The following ATG2B variants were observed in gnomAD, a reference collection of about 807,000 sequenced individuals.
ATG2B encodes the protein autophagy related 2B.
A neutral mutation model predicts 241.3 loss-of-function variants in ATG2B; 121 were observed. The observed-to-expected ratio is 0.50, with a 90% CI of 0.43 to 0.58. The LOEUF is 0.58. ATG2B is among the 20% of genes least tolerant of loss of function. ATG2B has a pLI of 0.00. For synonymous variants in ATG2B, 858 were observed against 876.6 expected, an observed-to-expected ratio of 0.98 and a Z score of 0.37; for missense variants, 2,306 against 2,491.6, an observed-to-expected ratio of 0.93 and a Z score of 1.59.
rs773307275 is a variant in ATG2B, at chr14:96,331,494, G to C, written c.1612C>G (p.Pro538Ala). Residue 538 changes from proline to alanine, a missense_variant, in exon 11 of 42, where the codon CCT becomes GCT. Pro to Ala is a conservative substitution (Grantham distance 27). Coordinates refer to ENST00000359933, the MANE Select transcript of ATG2B (RefSeq NM_018036.7). ...CAAGTAAAGAAAGCTACTGCCATAG[G>C]TGTCAATGGATTAAGGTTCTGTGAC... ...ETSQNLNPLT[P>A]MAVAFFTCIE... is the part of the protein sequence containing the mutation. 1 of 1,614,040 alleles carries C rather than the reference G, an allele frequency of 6.2e-7. No individual in the cohort carries two copies. Among genetic ancestry groups the C allele is most frequent in the Non-Finnish European group, 8.5e-7 (1 of 1,179,972 alleles).
Position 96,362,973 on chromosome 14 carries a change from G to A in ATG2B, c.4C>T (p.Pro2Ser). Residue 2 changes from proline to serine, a missense_variant, in exon 1 of 42, where the codon CCT becomes TCT. Around this residue, in one of 2 missense-constraint regions of ATG2B, gnomAD observed 1,927 missense variants for 2,011.2 expected, o/e 0.96. Coordinates refer to ENST00000359933, the MANE Select transcript of ATG2B (RefSeq NM_018036.7). ...TTGATGGACTCCGAAAACGGCCAAG[G>A]CATAGTGACTGCTGGCAGCTGGGCT... is the stretch of plus-strand genomic sequence containing the variant. M[P>S]WPFSESIKKR... 2 of 1,613,428 alleles carry A rather than the reference G, an allele frequency of 1.2e-6. No individual in the cohort carries two copies. The highest frequency in any genetic ancestry group is 1.7e-6 in the Non-Finnish European group (2 of 1,179,890).
intron 15 of ATG2B, among the ~76,000 whole-genome samples, chr14:96,324,382 C>T (rs1447279583): frequency 6.6e-6 from 1 of 152,068 alleles, no homozygotes; most frequent in Non-Finnish European, 1.5e-5. Context: ...AGAAACACCT[C>T]TGTTCAAAAT....
At position 96,345,294 on chromosome 14, in the gene ATG2B, T is replaced by C. The variant is rs759645740; in HGVS notation, c.417A>G (p.Glu139=). 74 of 1,613,402 alleles carry C rather than the reference T, an allele frequency of 4.6e-5. No individual in the cohort carries two copies. The highest frequency in any genetic ancestry group is 6.0e-5 in the Non-Finnish European group (71 of 1,179,656). The part of the protein sequence containing the change: ...KECLSQKLTD[E]QGEGSQPFEG... The stretch of plus-strand genomic sequence containing the variant: ...CAAAAGGCTGGGATCCTTCTCCTTG[T>C]TCATCTGTTAGTTTCTGGCTAAGAC... The change falls in exon 3 of 42, where the codon GAA becomes GAG. Residue 139 remains glutamate, a synonymous_variant. Coordinates refer to ENST00000359933, the MANE Select transcript of ATG2B (RefSeq NM_018036.7).
chr14:96,331,667 TA>T (rs745608600), intron 10 of ATG2B, 30 bp from the exon 11 acceptor site: 6 of 1,506,850 alleles, frequency 4.0e-6, no homozygotes, highest in Non-Finnish European at 5.4e-6. Context: ...ATTATATACA[TA>T]AAATTTGACA....
intron 1 of ATG2B, among the ~76,000 whole-genome samples, chr14:96,348,331 T>A (rs1031479642): frequency 6.6e-6 from 1 of 151,670 alleles, no homozygotes; most frequent in African/African-American, 2.4e-5. Context: ...TACCAGAGGG[T>A]GGGAATGGTA....
At position 96,290,349 on chromosome 14, in the gene ATG2B, T is replaced by C. The variant is rs1339797205; in HGVS notation, c.5856+87A>G. On this transcript the variant is annotated intron_variant, in intron 40 of 41. Transcript: ENST00000359933. The surrounding 1 kb of genome is among the most constrained non-coding windows in gnomAD (Gnocchi z 4.4). Reference sequence around the variant, plus strand: ...GTATCTACTCACAACATTTTGTATATCTTCACAGTATCGTTTTAAAAACAA... The same window carrying C: ...GTATCTACTCACAACATTTTGTATACCTTCACAGTATCGTTTTAAAAACAA... 1.1e-5 allele frequency: 16 copies of C among 1,478,848 alleles called. No individual in the cohort carries two copies. Among genetic ancestry groups the C allele is most frequent in the Non-Finnish European group, 1.5e-5 (16 of 1,095,616 alleles). 91.6% of individuals were successfully genotyped at this position (1,478,848 alleles called of 1,614,324 possible).
At chr14:96,315,612 T>G (rs1566722759) in intron 21 of ATG2B, 29 bp from the exon 22 acceptor site, 2 of 1,553,954 alleles carry the variant, frequency 1.3e-6, no homozygotes, top group African/African-American at 1.4e-5. Flanking sequence ...GTAAAAATAG[T>G]AACAAAATGA....
At chr14:96,362,689 G>T in intron 1 of ATG2B, 126 bp downstream of exon 1, 2 of 914,592 alleles carry the variant, frequency 2.2e-6, no homozygotes, top group Non-Finnish European at 1.7e-6. Context: ...TCTCTGAGCC[G>T]TGTCACACTC....
chr14:96,331,493 G>A lies in ATG2B; in HGVS notation c.1613C>T (p.Pro538Leu), dbSNP rs772174927. ...ETSQNLNPLT[P>L]MAVAFFTCIE... The stretch of plus-strand genomic sequence containing the variant: ...ACAAGTAAAGAAAGCTACTGCCATA[G>A]GTGTCAATGGATTAAGGTTCTGTGA... The change falls in exon 11 of 42, where the codon CCT becomes CTT. Residue 538 changes from proline to leucine, a missense_variant. Pro to Leu is a moderately conservative substitution (Grantham distance 98, BLOSUM62 -3). This residue lies in a region of ATG2B where 1,927 missense variants were observed against 2,011.2 expected (regional missense o/e 0.96). Coordinates refer to ENST00000359933, the MANE Select transcript of ATG2B (RefSeq NM_018036.7). 11 of 1,613,942 alleles carry A rather than the reference G, an allele frequency of 6.8e-6. No individual in the cohort carries two copies. In the Admixed American group the frequency reaches 1.8e-4, roughly 27 times the overall value.
At position 96,362,905 on chromosome 14, in the gene ATG2B, GT is replaced by G. The variant is rs1410743849; in HGVS notation, c.71del (p.His24ProfsTer7). On this transcript the variant is annotated frameshift_variant, in exon 1 of 42. Transcript: ENST00000359933. LOFTEE classifies it high-confidence loss of function. ...CCAGGCTCAGCTTCTCCTGCAGAAA[GT>G]GGCCCAGGTACCTCTGCAGGAGGTA... ...CRYLLQRYLGHFLQEKLSLEQ... is the reference protein window; with the variant it reads ...CRYLLQRYLGXFLQEKLSLEQ... The G allele has an allele frequency of 6.2e-7, 1 of 1,613,696 alleles. No homozygotes were observed. The highest frequency in any genetic ancestry group is 8.5e-7 in the Non-Finnish European group (1 of 1,179,992).
intron 36 of ATG2B, among the ~76,000 whole-genome samples, chr14:96,293,616 G>C (rs1236478583): frequency 6.6e-6 from 1 of 152,154 alleles, no homozygotes; most frequent in African/African-American, 2.4e-5. Flanking sequence ...CCTTGGCCAC[G>C]AACTGTGGTC....
chr14:96,358,116 A>G (rs1566738008), intron 1 of ATG2B, among the ~76,000 whole-genome samples: 5 of 152,176 alleles, frequency 3.3e-5, no homozygotes, highest in Non-Finnish European at 7.3e-5. Context: ...CTAAATACAA[A>G]AAGGTTTATT....
chr14:96,295,156 G>A lies in ATG2B; in HGVS notation c.5230C>T (p.Pro1744Ser), dbSNP rs189115541. 8.1e-6 allele frequency: 13 copies of A among 1,613,918 alleles called. No individual in the cohort carries two copies. In the East Asian group the frequency reaches 2.5e-4, roughly 30 times the overall value. ...MTPDPEVKKS[P>S]GADVTCSLPR... is the part of the protein sequence containing the mutation. The stretch of plus-strand genomic sequence containing the variant: ...AAACTGCAGGTGACATCAGCTCCAG[G>A]AGACTTTTTAACTGAAAATGTAATG... Residue 1744 changes from proline to serine, a missense_variant, in exon 36 of 42, where the codon CCT becomes TCT. Around this residue, in one of 2 missense-constraint regions of ATG2B, gnomAD observed 379 missense variants for 480.4 expected, o/e 0.79. Transcript: ENST00000359933.
intron 1 of ATG2B, among the ~76,000 whole-genome samples, chr14:96,361,167 C>T (rs1329702608): frequency 6.6e-6 from 1 of 152,128 alleles, no homozygotes; most frequent in Non-Finnish European, 1.5e-5. Flanking sequence ...AGTAATAAAT[C>T]ATTTTGCCAA....
Position 96,283,549 on chromosome 14 carries a change from GAGGGATGCTGAGGCTTAC to G in ATG2B, c.*2188_*2205del, listed in dbSNP as rs1424060803. Reference sequence around the variant, plus strand: ...TCGTAAAAAACCCTCCATTTACCAGGAGGGATGCTGAGGCTTACAGGGATCAGATGTCCTGGACAAGTC... The same window carrying G: ...TCGTAAAAAACCCTCCATTTACCAGGAGGGATCAGATGTCCTGGACAAGTC... On this transcript the variant is annotated 3_prime_UTR_variant, in exon 42 of 42. Coordinates refer to ENST00000359933, the MANE Select transcript of ATG2B (RefSeq NM_018036.7). The G allele has an allele frequency of 6.6e-6, 1 of 152,166 alleles. No individual in the cohort carries two copies. Among genetic ancestry groups the G allele is most frequent in the African/African-American group, 2.4e-5 (1 of 41,426 alleles). 9.4% of individuals were successfully genotyped at this position (152,166 alleles called of 1,614,324 possible).
intron 2 of ATG2B, among the ~76,000 whole-genome samples, chr14:96,346,375 A>C (rs990394997): frequency 2.6e-5 from 4 of 152,188 alleles, no homozygotes; most frequent in African/African-American, 9.6e-5. Context: ...AAAATATTTG[A>C]AAGTTTGCCT....
intron 28 of ATG2B, among the ~76,000 whole-genome samples, chr14:96,310,134 G>A (rs886445714): frequency 3.9e-5 from 6 of 152,036 alleles, no homozygotes; most frequent in South Asian, 2.1e-4. Context: ...AACCCAGATC[G>A]TGCTTTTTAT....
rs1250470668 is a variant in ATG2B, at chr14:96,280,357, C to G, written c.*5398G>C. 6.6e-6 allele frequency: 1 copy of G among 152,194 alleles called. No homozygotes were observed. Among genetic ancestry groups the G allele is most frequent in the East Asian group, 1.9e-4 (1 of 5,186 alleles). The allele number at this position is 152,194 out of a possible 1,614,324, so 9.4% of individuals were successfully genotyped here. On this transcript the variant is annotated 3_prime_UTR_variant, in exon 42 of 42. Coordinates refer to ENST00000359933, the MANE Select transcript of ATG2B (RefSeq NM_018036.7). ...AGTTTCTTGACCTCTCTGAACCTGT[C>G]TCCTCATCTGGAAAACAGGGACTCT...
chr14:96,339,271 AGT>A (rs34822684), intron 6 of ATG2B, among the ~76,000 whole-genome samples: 13,468 of 147,266 alleles, frequency 0.091, 632 homozygotes, highest in Middle Eastern at 0.15. Context: ...GCAATTCCAC[AGT>A]GTGTGTGTGT....
Sources: allele counts gnomAD v4.1 joint callset (sites outside exome capture counted in the v4.1 genomes callset), GRCh38; gene constraint gnomAD v4.1.1; regional missense constraint gnomAD v4.1.1; non-coding constraint Gnocchi (gnomAD v3.1); transcripts MANE v1.5; gene names NCBI Gene and HGNC (gene_info 2026-07-23, HGNC 2026-07-21).